The following GGA3 variants were observed in gnomAD, a reference collection of about 807,000 sequenced individuals.
GGA3 encodes ADP-ribosylation factor-binding protein GGA3.
Under a neutral mutation model 77.5 loss-of-function variants are expected in GGA3, and 57 were observed. That is an observed-to-expected ratio of 0.74 (90% CI 0.59 to 0.92). The LOEUF (loss-of-function observed/expected upper bound fraction) is 0.92, where lower values mean the gene tolerates loss of function less well. Among genes scored for constraint, GGA3 ranks in the 40% least tolerant of loss-of-function variants. GGA3 has a pLI of 0.00. For synonymous variants in GGA3, 416 were observed against 383.7 expected (o/e 1.08, Z -0.98); for missense variants, 970 against 914.9 (o/e 1.06, Z -0.78).
At position 75,257,047 on chromosome 17, in the gene GGA3, G is replaced by A. The variant is rs907234620; in HGVS notation, c.40+4501C>T. Among the ~76,000 whole-genome samples, 12 of 151,770 alleles carry A rather than the reference G, an allele frequency of 7.9e-5. No individual in the cohort carries two copies. In the South Asian group the frequency reaches 8.3e-4, roughly 11 times the overall value. On this transcript the variant is annotated intron_variant, in intron 1 of 16. Coordinates refer to ENST00000537686, the MANE Select transcript of GGA3 (RefSeq NM_138619.4). Reference sequence around the variant, plus strand: ...TCAGTGAAACCTTTATATCCCTTACGGTCCTCCGTCTTCAAGAAAAGCAGA... The same window carrying A: ...TCAGTGAAACCTTTATATCCCTTACAGTCCTCCGTCTTCAAGAAAAGCAGA...
At chr17:75,261,272 G>T (rs539530860) in intron 1 of GGA3, among the ~76,000 whole-genome samples, 1 of 152,246 alleles carries the variant, frequency 6.6e-6, no homozygotes, top group African/African-American at 2.4e-5. Context: ...CTTGGCTGTC[G>T]CCTTTCCCCG....
At chr17:75,243,317 C>T (rs1044596988) in intron 5 of GGA3, 130 bp downstream of exon 5, 10 of 1,279,416 alleles carry the variant, frequency 7.8e-6, no homozygotes, top group Non-Finnish European at 1.0e-5. Context: ...CCAACTCCGA[C>T]TCAGCCTTGC....
In GGA3 at chr17:75,237,943, G is replaced by A. The variant is rs2076379361; in HGVS notation, c.*336C>T. 1 of 1,032,062 alleles carries A rather than the reference G, an allele frequency of 9.7e-7. No individual in the cohort carries two copies. Among genetic ancestry groups the A allele is most frequent in the Non-Finnish European group, 1.2e-6 (1 of 832,478 alleles). 63.9% of individuals were successfully genotyped at this position (1,032,062 alleles called of 1,614,324 possible). The stretch of plus-strand genomic sequence containing the variant: ...CCCACCCCCCACCCCCCACCCCAGT[G>A]GCTTCAGTGAATGCCAGTAGAAGGA... On this transcript the variant is annotated 3_prime_UTR_variant, in exon 17 of 17. Transcript: ENST00000537686.
intron 9 of GGA3, 46 bp from the exon 10 acceptor site, chr17:75,241,562 C>A: frequency 6.2e-7 from 1 of 1,601,336 alleles, no homozygotes; most frequent in Non-Finnish European, 8.6e-7. Flanking sequence ...TGACAGTTCC[C>A]ACCCACATAT....
rs1234841407 is a variant in GGA3 at position 75,237,503 on chromosome 17, C to T, written c.*776G>A. ...TGGCCTGTCCCCACGGCTGGAGGCA[C>T]GCTTTTCCCAGAAAGCTGAGTACCT... On this transcript the variant is annotated 3_prime_UTR_variant, in exon 17 of 17. Coordinates refer to ENST00000537686, the MANE Select transcript of GGA3 (RefSeq NM_138619.4). 1.9e-5 allele frequency: 29 copies of T among 1,535,786 alleles called. No homozygotes were observed. Among genetic ancestry groups the T allele is most frequent in the Middle Eastern group, 1.7e-4 (1 of 6,012 alleles).
At chr17:75,259,648 G>C (rs112357450) in intron 1 of GGA3, among the ~76,000 whole-genome samples, 6,013 of 152,234 alleles carry the variant, frequency 0.039, 412 homozygotes, top group African/African-American at 0.14. Context: ...GAGGACGGGA[G>C]AGACCTGGGT....
intron 1 of GGA3, among the ~76,000 whole-genome samples, chr17:75,257,278 GC>G (rs368611634): frequency 0.48 from 28,282 of 58,952 alleles, 6,260 homozygotes; most frequent in African/African-American, 0.62. Flanking sequence ...CTTAGACTGT[GC>G]CCCCCCCCCC....
intron 1 of GGA3, among the ~76,000 whole-genome samples, chr17:75,253,468 G>A (rs899576859): frequency 1.3e-5 from 2 of 152,146 alleles, no homozygotes; most frequent in Non-Finnish European, 2.9e-5. Context: ...ACTCAGGGAC[G>A]CCTGCCTTGG....
At position 75,239,796 on chromosome 17, in the gene GGA3, C is replaced by A. The variant is rs1162659048; in HGVS notation, c.1576G>T (p.Ala526Ser). The A allele has an allele frequency of 1.2e-6, 2 of 1,613,630 alleles. No homozygotes were observed. Among genetic ancestry groups the A allele is most frequent in the Non-Finnish European group, 1.7e-6 (2 of 1,180,010 alleles). ...TCTCCTCCCACTCATTACACTTTGG[C>A]CTCTTCTAGAAGCTGATCGAGGGCA... ...LDALDQLLEE[A>S]KVTSGLVKPT... is the part of the protein sequence containing the mutation. Residue 526 changes from alanine to serine, a missense_variant, in exon 13 of 17, where the codon GCC becomes TCC. Ala to Ser is a moderately conservative substitution (Grantham distance 99, BLOSUM62 1). Coordinates refer to ENST00000537686, the MANE Select transcript of GGA3 (RefSeq NM_138619.4).
At chr17:75,245,200 C>G (rs889244836) in intron 3 of GGA3, among the ~76,000 whole-genome samples, 1 of 152,214 alleles carries the variant, frequency 6.6e-6, no homozygotes, top group African/African-American at 2.4e-5. Flanking sequence ...GCTTATCTCC[C>G]TAACTCACGC....
Position 75,237,351 on chromosome 17 carries a change from A to C in GGA3, c.*928T>G. ...CCTGAGGCCTCCTGTGTCCAGCCACAGGTGCCACACCACATGCCATCTGGT... is the reference window on the plus strand; with the variant it reads ...CCTGAGGCCTCCTGTGTCCAGCCACCGGTGCCACACCACATGCCATCTGGT... On this transcript the variant is annotated 3_prime_UTR_variant, in exon 17 of 17. Coordinates refer to ENST00000537686, the MANE Select transcript of GGA3 (RefSeq NM_138619.4). 1.2e-6 allele frequency: 1 copy of C among 808,100 alleles called. No individual in the cohort carries two copies. The highest frequency in any genetic ancestry group is 2.0e-6 in the Non-Finnish European group (1 of 488,066). The allele number at this position is 808,100 out of a possible 1,614,324, so 50.1% of individuals were successfully genotyped here.
chr17:75,240,285 C>A, intron 12 of GGA3, 57 bp downstream of exon 12: 1 of 1,286,762 alleles, frequency 7.8e-7, no homozygotes, highest in Non-Finnish European at 1.1e-6. Context: ...GGAGACATGA[C>A]GCTGGAAAGT....
In GGA3 at chr17:75,243,101, G is replaced by A. The variant is rs1338231649; in HGVS notation, c.490C>T (p.Pro164Ser). 4 of 1,613,536 alleles carry A rather than the reference G, an allele frequency of 2.5e-6. No homozygotes were observed. The highest frequency in any genetic ancestry group is 1.7e-5 in the Admixed American group (1 of 59,904). Residue 164 changes from proline to serine, a missense_variant, in exon 6 of 17, where the codon CCC (proline) becomes TCC (serine). By Grantham distance (74) the Pro-to-Ser change is moderately conservative. Coordinates refer to ENST00000537686, the MANE Select transcript of GGA3 (RefSeq NM_138619.4). ...TCATCATCAAAAACAGGGTTTTTGGGACGAGGTGGTGGAGAGGGGATCAGC... is the reference window on the plus strand; with the variant it reads ...TCATCATCAAAAACAGGGTTTTTGGAACGAGGTGGTGGAGAGGGGATCAGC... ...RTLIPSPPPR[P>S]KNPVFDDEEK...
chr17:75,237,920 C>T lies in GGA3; in HGVS notation c.*359G>A. The T allele has an allele frequency of 1.7e-6, 1 of 582,102 alleles. No homozygotes were observed. Among genetic ancestry groups the T allele is most frequent in the African/African-American group, 2.9e-5 (1 of 34,040 alleles). 36.1% of individuals were successfully genotyped at this position (582,102 alleles called of 1,614,324 possible). A position where few individuals can be genotyped will look rare whatever the true frequency, so the allele number is the denominator to read the frequency against. The stretch of plus-strand genomic sequence containing the variant: ...ATGACAGTCTCTCTTTAGAGACTCC[C>T]ACCCCCCACCCCCCACCCCAGTGGC... On this transcript the variant is annotated 3_prime_UTR_variant, in exon 17 of 17. Coordinates refer to ENST00000537686, the MANE Select transcript of GGA3 (RefSeq NM_138619.4).
intron 3 of GGA3, among the ~76,000 whole-genome samples, chr17:75,245,577 T>C (rs370742268): frequency 6.6e-5 from 10 of 151,876 alleles, no homozygotes; most frequent in South Asian, 4.1e-4. Flanking sequence ...CAGGCTAGAG[T>C]GCAACGGTGT....
At chr17:75,247,558 A>G (rs1341675338) in intron 1 of GGA3, among the ~76,000 whole-genome samples, 2 of 152,134 alleles carry the variant, frequency 1.3e-5, no homozygotes, top group Non-Finnish European at 2.9e-5. Flanking sequence ...CACCGCGCCC[A>G]GCGAATATTT....
chr17:75,244,251 A>T (rs938463648), intron 4 of GGA3, among the ~76,000 whole-genome samples: 1 of 152,124 alleles, frequency 6.6e-6, no homozygotes, highest in African/African-American at 2.4e-5. Context: ...CCAGCTGAGC[A>T]TCGGAGCAAT....
upstream of GGA3, chr17:75,261,776 C>G: frequency 1.7e-6 from 2 of 1,190,982 alleles, no homozygotes; most frequent in Non-Finnish European, 2.3e-6. Context: ...GTGAAAAACT[C>G]TAACGTCCAG....
At chr17:75,257,840 A>G (rs914685078) in intron 1 of GGA3, among the ~76,000 whole-genome samples, 1 of 152,158 alleles carries the variant, frequency 6.6e-6, no homozygotes, top group African/African-American at 2.4e-5. Flanking sequence ...TCTTATTAAT[A>G]TAAGAAGGCA....
Sources: allele counts gnomAD v4.1 joint callset (sites outside exome capture counted in the v4.1 genomes callset), GRCh38; gene constraint gnomAD v4.1.1; transcripts MANE v1.5; gene names NCBI Gene and HGNC (gene_info 2026-07-23, HGNC 2026-07-21).